Variants in ARMH3 observed in about 807,000 individuals in gnomAD.
ARMH3 encodes armadillo-like helical domain-containing protein 3.
ARMH3 carries 60 observed loss-of-function variants against 99.1 expected under a neutral mutation model. The observed-to-expected ratio is 0.61, with a 90% CI of 0.49 to 0.75. The LOEUF is 0.75. Ranked by LOEUF, ARMH3 falls within the 30% of genes least tolerant of loss-of-function variation. The pLI is 0.00. For missense variants in ARMH3, 679 were observed against 843.1 expected (o/e 0.81, Z 2.41); for synonymous variants, 285 against 292.8 (o/e 0.97, Z 0.27).
intron 24 of ARMH3, among the ~76,000 whole-genome samples, chr10:101,852,693 G>A (rs2066631774): frequency 2.0e-5 from 3 of 151,794 alleles, no homozygotes; most frequent in Admixed American, 2.0e-4. Context: ...AGGATGCCAT[G>A]CCATGAGCTG....
At chr10:101,961,312 T>C (rs1390110813) in intron 20 of ARMH3, among the ~76,000 whole-genome samples, 2 of 148,548 alleles carry the variant, frequency 1.3e-5, no homozygotes, top group Non-Finnish European at 3.0e-5. Context: ...TGCTCTCTCT[T>C]TTTTTTTTTA....
At chr10:101,860,231 G>A (rs191428911) in intron 24 of ARMH3, among the ~76,000 whole-genome samples, 133 of 152,246 alleles carry the variant, frequency 8.7e-4, no homozygotes, top group Non-Finnish European at 1.4e-3. Flanking sequence ...TGAAGTAGGT[G>A]GAGATGATAT....
At chr10:101,888,590 G>C (rs1160235547) in intron 24 of ARMH3, among the ~76,000 whole-genome samples, 1 of 152,228 alleles carries the variant, frequency 6.6e-6, no homozygotes, top group Non-Finnish European at 1.5e-5. Flanking sequence ...GCTCAAACAA[G>C]GGTTACAAAG....
At chr10:101,957,527 A>AAT in intron 21 of ARMH3, 123 bp downstream of exon 21, 1 of 1,098,060 alleles carries the variant, frequency 9.1e-7, no homozygotes, top group Non-Finnish European at 1.3e-6. Context: ...GGATCCAAAA[A>AAT]ATATATATAG....
At chr10:102,009,505 G>T in intron 12 of ARMH3, 56 bp from the exon 13 acceptor site, 1 of 1,387,930 alleles carries the variant, frequency 7.2e-7, no homozygotes, top group Non-Finnish European at 1.0e-6. Flanking sequence ...AGTTAAAACA[G>T]TATAACCATG....
At chr10:102,034,191 G>A (rs904974937) in intron 2 of ARMH3, among the ~76,000 whole-genome samples, 3 of 152,154 alleles carry the variant, frequency 2.0e-5, no homozygotes, top group African/African-American at 7.2e-5. Context: ...TTAGTATTCT[G>A]TACAGAGCTT....
At chr10:102,048,259 G>A (rs781496534) in intron 1 of ARMH3, among the ~76,000 whole-genome samples, 1 of 152,116 alleles carries the variant, frequency 6.6e-6, no homozygotes, top group Non-Finnish European at 1.5e-5. Context: ...CCCCATATGT[G>A]AAAGAAGATC....
chr10:101,954,198 GAACA>G (rs768552213), intron 22 of ARMH3, among the ~76,000 whole-genome samples: 6 of 151,080 alleles, frequency 4.0e-5, no homozygotes, highest in Non-Finnish European at 8.8e-5. Flanking sequence ...TCTCAAGAAA[GAACA>G]AAAACAAAAA....
rs188492207 is a variant in ARMH3 at position 101,941,355 on chromosome 10, C to T, written c.1706-1417G>A. On this transcript the variant is annotated intron_variant, in intron 22 of 25. Transcript: ENST00000370033. ...TTATTAATTTCAACAGACTACCTCC[C>T]AAATGAATGAATGAATGTACCTGGA... Among the ~76,000 whole-genome samples the T allele has an allele frequency of 1.9e-3, 291 of 152,224 alleles. 2 individuals carry two copies. Among genetic ancestry groups the T allele is most frequent in the South Asian group, 9.6e-3 (46 of 4,816 alleles).
At chr10:101,885,282 A>C (rs2067513656) in intron 24 of ARMH3, among the ~76,000 whole-genome samples, 1 of 152,234 alleles carries the variant, frequency 6.6e-6, no homozygotes, top group East Asian at 1.9e-4. Context: ...ACTTCTGAGT[A>C]TATACACAAA....
At chr10:102,039,885 C>G (rs1268838297) in intron 2 of ARMH3, 128 bp downstream of exon 2, 1 of 799,434 alleles carries the variant, frequency 1.3e-6, no homozygotes, top group Admixed American at 2.5e-5. Context: ...GCCCTCAAAC[C>G]CTCTTTCTCT....
intron 23 of ARMH3, chr10:101,912,874 G>T (rs562628116): frequency 1.3e-5 from 2 of 152,074 alleles, no homozygotes; most frequent in Non-Finnish European, 2.9e-5. Flanking sequence ...ATCAGAAATG[G>T]ATTTTGCATT....
chr10:102,009,276 C>T, intron 13 of ARMH3, 98 bp downstream of exon 13: 5 of 1,103,928 alleles, frequency 4.5e-6, no homozygotes, highest in Non-Finnish European at 6.7e-6. Flanking sequence ...CAATGCAAAG[C>T]AGGGTTTAAA....
At chr10:101,864,075 AAAAACAC>A (rs1564699266) in intron 24 of ARMH3, among the ~76,000 whole-genome samples, 1 of 109,378 alleles carries the variant, frequency 9.1e-6, no homozygotes, top group African/African-American at 2.8e-5. Flanking sequence ...AAAAAAAAAA[AAAAACAC>A]ACACACACAC....
At chr10:101,951,313 T>C (rs754621399) in intron 22 of ARMH3, among the ~76,000 whole-genome samples, 3 of 152,204 alleles carry the variant, frequency 2.0e-5, no homozygotes, top group African/African-American at 2.4e-5. Context: ...CTCATGCCTG[T>C]AATCCCAGAA....
intron 24 of ARMH3, among the ~76,000 whole-genome samples, chr10:101,852,518 G>A (rs2066626454): frequency 6.6e-6 from 1 of 152,216 alleles, no homozygotes; most frequent in Non-Finnish European, 1.5e-5. Context: ...CACTTTGGGA[G>A]GCCGAGGCGG....
At chr10:101,920,405 A>C (rs554955013) in intron 23 of ARMH3, among the ~76,000 whole-genome samples, 9 of 152,316 alleles carry the variant, frequency 5.9e-5, no homozygotes, top group Admixed American at 4.6e-4. Context: ...AGCTGCAGTG[A>C]GGTGACAGAT....
chr10:102,009,538 C>G lies in ARMH3; in HGVS notation c.879-89G>C, dbSNP rs988143593. The G allele has an allele frequency of 3.6e-6, 4 of 1,105,392 alleles. No homozygotes were observed. In the African/African-American group the frequency reaches 6.3e-5, roughly 17 times the overall value. The allele number at this position is 1,105,392 out of a possible 1,614,324, so 68.5% of individuals were successfully genotyped here. On this transcript the variant is annotated intron_variant, in intron 12 of 25. Coordinates refer to ENST00000370033, the MANE Select transcript of ARMH3 (RefSeq NM_024541.3). Reference sequence around the variant, plus strand: ...ATGAAGATAAGATTGGATTGCACCCCAGCGCCTCATTATCAATTCCTTTGC... The same window carrying G: ...ATGAAGATAAGATTGGATTGCACCCGAGCGCCTCATTATCAATTCCTTTGC...
Position 101,938,443 on chromosome 10 carries a change from C to G in ARMH3, c.1781+1420G>C, listed in dbSNP as rs1844089228. On this transcript the variant is annotated intron_variant, in intron 23 of 25. Coordinates refer to ENST00000370033, the MANE Select transcript of ARMH3 (RefSeq NM_024541.3). ...ACACAGACAGCAGCCAAGCCAGAAA[C>G]CACTGAAAGGAAAAGCAGAAGATAA... is the stretch of plus-strand genomic sequence containing the variant. 2.6e-5 allele frequency among the ~76,000 whole-genome samples: 4 copies of G among 152,110 alleles called. No homozygotes were observed. The South Asian group carries it at 8.3e-4, about 32-fold the overall frequency.
Sources: gnomAD v4.1 joint callset for allele counts (sites outside exome capture counted in the v4.1 genomes callset) on GRCh38, gnomAD v4.1.1 for gene constraint, MANE v1.5 for transcripts, NCBI Gene and HGNC (gene_info 2026-07-23, HGNC 2026-07-21) for gene names.